Variants in CDC42BPA observed in about 807,000 individuals in gnomAD.
The protein encoded by CDC42BPA is CDC42 binding protein kinase alpha.
In CDC42BPA, 80 loss-of-function variants were observed where a neutral mutation model predicts 223.5. The observed-to-expected ratio is 0.36, with a 90% CI of 0.30 to 0.43. The LOEUF is 0.43. CDC42BPA is among the 20% of genes least tolerant of loss of function. The pLI, the probability that CDC42BPA is intolerant of heterozygous loss-of-function variation, is 1.00. For synonymous variants in CDC42BPA, 694 were observed against 718.6 expected, an observed-to-expected ratio of 0.97 and a Z score of 0.55; for missense variants, 1,743 against 2,099.9, an observed-to-expected ratio of 0.83 and a Z score of 3.32.
In CDC42BPA at chr1:227,052,570, T is replaced by C. The variant is rs79321159; in HGVS notation, c.2905-585A>G. On this transcript the variant is annotated intron_variant, in intron 21 of 36. Coordinates refer to ENST00000366766, the MANE Select transcript of CDC42BPA (RefSeq NM_001394014.1). The stretch of plus-strand genomic sequence containing the variant: ...ATTAAAAATGCTTTGGGTTAAAATT[T>C]AGCATAAAAGATCTTATGAACCATA... 6.6e-5 allele frequency among the ~76,000 whole-genome samples: 10 copies of C among 152,316 alleles called. No homozygotes were observed. The East Asian group carries it at 1.7e-3, about 26-fold the overall frequency.
chr1:227,317,015 G>A lies in CDC42BPA; in HGVS notation c.168C>T (p.Tyr56=). 6.2e-7 allele frequency: 1 copy of A among 1,610,864 alleles called. No homozygotes were observed. Among genetic ancestry groups the A allele is most frequent in the Non-Finnish European group, 8.5e-7 (1 of 1,177,344 alleles). The change falls in exon 1 of 37, where the codon TAC becomes TAT. Residue 56 remains tyrosine (Y), a synonymous_variant. Transcript: ENST00000366766. ...PLRREKNILE[Y]LEWAKPFTSK... ...AAATTACAAACTTACCCCATTCTAG[G>A]TATTCGAGAATGTTCTTCTCTCTTC... is the stretch of plus-strand genomic sequence containing the variant.
Position 227,076,459 on chromosome 1 carries a change from G to A in CDC42BPA, c.2481-2095C>T, listed in dbSNP as rs1015998117. Among the ~76,000 whole-genome samples the A allele has an allele frequency of 2.4e-4, 37 of 152,018 alleles. 1 individual carries two copies. Among genetic ancestry groups the A allele is most frequent in the African/African-American group, 8.7e-4 (36 of 41,392 alleles). On this transcript the variant is annotated intron_variant, in intron 17 of 36. Coordinates refer to ENST00000366766, the MANE Select transcript of CDC42BPA (RefSeq NM_001394014.1). ...TTTAGTAGAGATGAGGCTTAGCCAC[G>A]TTGGCCAGGCTGGTCTTGAACTCCT...
chr1:227,203,157 C>T (rs1048883082), intron 3 of CDC42BPA, among the ~76,000 whole-genome samples: 2 of 152,034 alleles, frequency 1.3e-5, no homozygotes, highest in African/African-American at 4.8e-5. Flanking sequence ...TTAAGCAAAC[C>T]CCAGACAGCA....
chr1:227,127,815 AG>A (rs1352390612), intron 11 of CDC42BPA, among the ~76,000 whole-genome samples: 1 of 152,202 alleles, frequency 6.6e-6, no homozygotes, highest in African/African-American at 2.4e-5. Flanking sequence ...ATATAAACAA[AG>A]TATTAATATG....
At chr1:227,177,270 T>C (rs1667128757) in intron 5 of CDC42BPA, among the ~76,000 whole-genome samples, 1 of 152,148 alleles carries the variant, frequency 6.6e-6, no homozygotes, top group African/African-American at 2.4e-5. Flanking sequence ...CAGCATTTCT[T>C]GTAAGGAAGG....
intron 10 of CDC42BPA, among the ~76,000 whole-genome samples, chr1:227,133,983 A>G (rs1657961266): frequency 6.6e-6 from 1 of 151,468 alleles, no homozygotes; most frequent in East Asian, 1.9e-4. Context: ...GAATAAATAA[A>G]TAAATAAATA....
intron 2 of CDC42BPA, among the ~76,000 whole-genome samples, chr1:227,217,319 C>T (rs533092765): frequency 1.1e-3 from 161 of 151,760 alleles, no homozygotes; most frequent in African/African-American, 3.7e-3. Context: ...TGGTGGCGGG[C>T]GCCTGTAGTC....
Position 227,256,938 on chromosome 1 carries a change from T to TACACACACACACACACAC in CDC42BPA, c.179-2784_179-2783insGTGTGTGTGTGTGTGTGT, listed in dbSNP as rs1442280387. On this transcript the variant is annotated intron_variant, in intron 1 of 36. Transcript: ENST00000366766. ...ATGAACAGATAAACAAAATGTGATA[T>TACACACACACACACACAC]ATATATACAGACACACACACACACA... 2.7e-3 allele frequency among the ~76,000 whole-genome samples: 322 copies of TACACACACACACACACAC among 120,046 alleles called. 2 individuals carry two copies. Among genetic ancestry groups the TACACACACACACACACAC allele is most frequent in the African/African-American group, 4.5e-3 (144 of 32,182 alleles). 78.8% of individuals were successfully genotyped at this position (120,046 alleles called of 152,430 possible). A position where few individuals can be genotyped will look rare whatever the true frequency, so the allele number is the denominator to read the frequency against.
At chr1:227,012,406 G>A (rs1203066401) in intron 34 of CDC42BPA, among the ~76,000 whole-genome samples, 2 of 151,908 alleles carry the variant, frequency 1.3e-5, no homozygotes, top group Non-Finnish European at 2.9e-5. Flanking sequence ...ATATTGTCTT[G>A]GCTCACTTAG....
At chr1:227,042,275 C>T (rs539626960) in intron 23 of CDC42BPA, among the ~76,000 whole-genome samples, 6 of 128,736 alleles carry the variant, frequency 4.7e-5, no homozygotes, top group African/African-American at 1.6e-4. Context: ...TAATACCTCC[C>T]GAATTGCACA....
chr1:227,052,216 T>C (rs1673661815), intron 21 of CDC42BPA, among the ~76,000 whole-genome samples: 1 of 152,356 alleles, frequency 6.6e-6, no homozygotes, highest in Middle Eastern at 3.4e-3. Context: ...TCCTCCCTGA[T>C]CTTCACTGTT....
intron 5 of CDC42BPA, chr1:227,178,366 A>C (rs1291856987): frequency 6.5e-6 from 1 of 152,976 alleles, no homozygotes; most frequent in Non-Finnish European, 1.5e-5. Context: ...GCTGCCATCC[A>C]TGTAAGATGG....
At chr1:227,212,254 GT>G (rs1344481169) in intron 3 of CDC42BPA, among the ~76,000 whole-genome samples, 1 of 152,008 alleles carries the variant, frequency 6.6e-6, no homozygotes, top group Non-Finnish European at 1.5e-5. Flanking sequence ...CACCATATCT[GT>G]CATCATGGAA....
intron 5 of CDC42BPA, among the ~76,000 whole-genome samples, 158 bp from the exon 6 acceptor site, chr1:227,160,794 T>C (rs1042636415): frequency 1.3e-5 from 2 of 152,210 alleles, no homozygotes; most frequent in African/African-American, 4.8e-5. Flanking sequence ...CTGGTTCTGA[T>C]TCATATTAAA....
intron 24 of CDC42BPA, among the ~76,000 whole-genome samples, chr1:227,036,044 C>G (rs1399571659): frequency 6.6e-6 from 1 of 152,098 alleles, no homozygotes; most frequent in African/African-American, 2.4e-5. Context: ...CTCTACCAAT[C>G]CTTGAAAATG....
intron 26 of CDC42BPA, among the ~76,000 whole-genome samples, chr1:227,033,804 C>T (rs16846853): frequency 0.13 from 19,654 of 152,142 alleles, 1,348 homozygotes; most frequent in East Asian, 0.26. Context: ...ACATCTACAA[C>T]GTATTTCCTC....
chr1:226,998,215 A>T (rs1280083312), intron 35 of CDC42BPA, among the ~76,000 whole-genome samples: 3 of 152,172 alleles, frequency 2.0e-5, no homozygotes, highest in African/African-American at 4.8e-5. Flanking sequence ...AATGGCCATA[A>T]TGCCCAAAGT....
chr1:227,272,505 G>A (rs185842064), intron 1 of CDC42BPA, among the ~76,000 whole-genome samples: 1 of 152,198 alleles, frequency 6.6e-6, no homozygotes, highest in East Asian at 1.9e-4. Flanking sequence ...TGGTCAGAGG[G>A]TTGCTATCCC....
chr1:227,191,029 T>C (rs1409147842), intron 5 of CDC42BPA, among the ~76,000 whole-genome samples: 1 of 151,886 alleles, frequency 6.6e-6, no homozygotes, highest in African/African-American at 2.4e-5. Context: ...AAAGCAAAAC[T>C]AGAACCAATG....
Sources: gnomAD v4.1 joint callset for allele counts (sites outside exome capture counted in the v4.1 genomes callset) on GRCh38, gnomAD v4.1.1 for gene constraint, MANE v1.5 for transcripts, NCBI Gene and HGNC (gene_info 2026-07-23, HGNC 2026-07-21) for gene names.